MAD1L1: variants seen among roughly 807,000 people sequenced by gnomAD.
MAD1L1 encodes mitotic spindle assembly checkpoint protein MAD1.
A neutral mutation model predicts 96.9 loss-of-function variants in MAD1L1; 95 were observed. That is an observed-to-expected ratio of 0.98 (90% CI 0.83 to 1.16). The LOEUF is 1.16. Among genes scored for constraint, MAD1L1 ranks in the 50% most tolerant of loss-of-function variants. The pLI is 0.00. For missense variants in MAD1L1, 1,007 were observed against 954.4 expected (o/e 1.06, Z -0.73); for synonymous variants, 473 against 396.6 (o/e 1.19, Z -2.29).
intron 12 of MAD1L1, among the ~76,000 whole-genome samples, chr7:2,056,366 C>CA (rs1784389716): frequency 6.6e-6 from 1 of 152,116 alleles, no homozygotes; most frequent in Non-Finnish European, 1.5e-5. Context: ...GGGGCTCGCG[C>CA]AGGCTCTTCT....
At chr7:2,058,775 T>G (rs1472447591) in intron 12 of MAD1L1, among the ~76,000 whole-genome samples, 1 of 84,354 alleles carries the variant, frequency 1.2e-5, no homozygotes, top group Non-Finnish European at 2.4e-5. Flanking sequence ...GGAGAGGGAG[T>G]GTGGCCAGAG....
At chr7:1,818,778 C>T (rs1217485378) in intron 18 of MAD1L1, among the ~76,000 whole-genome samples, 2 of 151,968 alleles carry the variant, frequency 1.3e-5, no homozygotes, top group Non-Finnish European at 2.9e-5. Flanking sequence ...AACCCACTCA[C>T]GGCTCCTACA....
At chr7:2,149,534 T>A (rs1284263807) in intron 10 of MAD1L1, among the ~76,000 whole-genome samples, 4 of 152,276 alleles carry the variant, frequency 2.6e-5, no homozygotes, top group African/African-American at 9.6e-5. Context: ...AACGAAATCA[T>A]GTTTAAAAAG....
chr7:1,949,269 C>T (rs571455157), intron 16 of MAD1L1, among the ~76,000 whole-genome samples: 1 of 152,326 alleles, frequency 6.6e-6, no homozygotes, highest in African/African-American at 2.4e-5. Flanking sequence ...ATGGAAAGGT[C>T]GGGCGGGTTA....
At chr7:1,923,734 C>A (rs1583802625) in intron 17 of MAD1L1, among the ~76,000 whole-genome samples, 1 of 152,268 alleles carries the variant, frequency 6.6e-6, no homozygotes, top group Non-Finnish European at 1.5e-5. Context: ...GTGAAGGGAA[C>A]CCTGGGTCAC....
At chr7:2,184,148 A>T (rs1403554557) in intron 10 of MAD1L1, among the ~76,000 whole-genome samples, 1 of 152,032 alleles carries the variant, frequency 6.6e-6, no homozygotes, top group Non-Finnish European at 1.5e-5. Flanking sequence ...GCTACTCGGG[A>T]GGCTGAGGCA....
At chr7:1,836,435 A>C (rs1340993406) in intron 18 of MAD1L1, among the ~76,000 whole-genome samples, 1 of 152,130 alleles carries the variant, frequency 6.6e-6, no homozygotes, top group African/African-American at 2.4e-5. Context: ...CGGACCTCCT[A>C]TCTCTCATCT....
Position 2,225,517 on chromosome 7 carries a change from A to T in MAD1L1, c.184T>A (p.Ser62Thr), listed in dbSNP as rs755054616. The change falls in exon 4 of 19, where the codon TCC (serine) becomes ACC (threonine). Residue 62 changes from serine (S) to threonine (T), a missense_variant. Physicochemically the swap from Ser to Thr is moderately conservative, Grantham distance 58. Coordinates refer to ENST00000265854, the MANE Select transcript of MAD1L1 (RefSeq NM_001013836.2). ...TCCCGCTCCACCTGGATGAGGTGGG[A>T]CTTCGAACGGATCTGCTCTGCTCTT... The part of the protein sequence containing the change: ...EERAEQIRSK[S>T]HLIQVEREKM... 1 of 1,613,966 alleles carries T rather than the reference A, an allele frequency of 6.2e-7. No homozygotes were observed. The highest frequency in any genetic ancestry group is 8.5e-7 in the Non-Finnish European group (1 of 1,180,014).
At chr7:2,108,136 C>T (rs1409706319) in intron 11 of MAD1L1, among the ~76,000 whole-genome samples, 1 of 152,180 alleles carries the variant, frequency 6.6e-6, no homozygotes, top group Non-Finnish European at 1.5e-5. Context: ...GATAACATTC[C>T]CATCAGAAGA....
intron 11 of MAD1L1, chr7:2,079,938 C>G (rs1272767090): frequency 5.5e-6 from 2 of 364,074 alleles, no homozygotes; most frequent in Admixed American, 3.8e-5. Context: ...TGGAGTGACG[C>G]AGAGAGGCAC....
chr7:1,911,635 C>T (rs1192598186), intron 17 of MAD1L1, among the ~76,000 whole-genome samples: 2 of 152,226 alleles, frequency 1.3e-5, no homozygotes, highest in Non-Finnish European at 2.9e-5. Context: ...GCGTCACCTC[C>T]AGATGAGGCC....
intron 15 of MAD1L1, among the ~76,000 whole-genome samples, chr7:1,959,623 G>T (rs367905545): frequency 6.6e-6 from 1 of 152,284 alleles, no homozygotes; most frequent in East Asian, 1.9e-4. Context: ...GAGAAACAGT[G>T]CAACGGAGAA....
rs201951163 is a variant in MAD1L1 at position 1,936,789 on chromosome 7, C to G, written c.1705G>C (p.Glu569Gln). ...GCGCGCAGGAGCCCGCGCAGTCGCT[C>G]GCACTCCGCCTGCAGCTGGCTGTGG... Reference protein sequence around the residue: ...EDHSQLQAECERLRGLLRAME... With the variant: ...EDHSQLQAECQRLRGLLRAME... The change falls in exon 17 of 19, where the codon GAG (glutamate) becomes CAG (glutamine). Residue 569 changes from glutamate to glutamine, a missense_variant. By Grantham distance (29) the Glu-to-Gln change is conservative. Coordinates refer to ENST00000265854, the MANE Select transcript of MAD1L1 (RefSeq NM_001013836.2). 5 of 1,583,800 alleles carry G rather than the reference C, an allele frequency of 3.2e-6. No homozygotes were observed. Among genetic ancestry groups the G allele is most frequent in the Non-Finnish European group, 4.3e-6 (5 of 1,166,038 alleles).
intron 11 of MAD1L1, among the ~76,000 whole-genome samples, chr7:2,117,519 A>C (rs1437943488): frequency 6.6e-6 from 1 of 152,218 alleles, no homozygotes; most frequent in Non-Finnish European, 1.5e-5. Context: ...TGAGTGAATC[A>C]CAGGGGCAGT....
intron 11 of MAD1L1, among the ~76,000 whole-genome samples, chr7:2,134,065 A>G (rs565673613): frequency 1.3e-5 from 2 of 152,292 alleles, no homozygotes; most frequent in Admixed American, 1.3e-4. Flanking sequence ...CCACAAATAT[A>G]ACTTGCTGGG....
chr7:2,047,309 T>C (rs1200764615), intron 12 of MAD1L1, among the ~76,000 whole-genome samples: 4 of 152,184 alleles, frequency 2.6e-5, no homozygotes, highest in African/African-American at 9.7e-5. Flanking sequence ...CCTGGGGGCC[T>C]GTCTGCAGAC....
chr7:1,871,670 GCCTGCCACGCTGAACCCAACATAACA>G, intron 18 of MAD1L1, among the ~76,000 whole-genome samples: 1 of 143,216 alleles, frequency 7.0e-6, no homozygotes, highest in Non-Finnish European at 1.5e-5. Context: ...CCCAACATAC[GCCTGCCACGCTGAACCCAACATAACA>G]CCTGCCACGC....
chr7:1,893,619 G>C (rs539099138), intron 18 of MAD1L1, among the ~76,000 whole-genome samples: 55 of 152,230 alleles, frequency 3.6e-4, no homozygotes, highest in African/African-American at 1.2e-3. Flanking sequence ...TCTCAGGAGG[G>C]TAGCTCAGGG....
At chr7:2,072,615 G>A (rs1247589198) in intron 11 of MAD1L1, among the ~76,000 whole-genome samples, 2 of 152,240 alleles carry the variant, frequency 1.3e-5, no homozygotes, top group Admixed American at 6.5e-5. Context: ...GTTCACAAGT[G>A]CTTTAAATCA....
Sources: gnomAD v4.1 joint callset for allele counts (sites outside exome capture counted in the v4.1 genomes callset) on GRCh38, gnomAD v4.1.1 for gene constraint, MANE v1.5 for transcripts, NCBI Gene and HGNC (gene_info 2026-07-23, HGNC 2026-07-21) for gene names.